Variants in SEMA3A observed in about 807,000 individuals in gnomAD.
SEMA3A encodes the protein semaphorin 3A, also known as semaphorin-3A.
A neutral mutation model predicts 97.9 loss-of-function variants in SEMA3A; 29 were observed. The ratio of observed to expected loss-of-function variants is 0.30; its 90% CI spans 0.22 to 0.40. The LOEUF is 0.40. Ranked by LOEUF, SEMA3A falls within the 10% of genes least tolerant of loss-of-function variation. SEMA3A has a pLI of 1.00. For missense variants in SEMA3A, 763 were observed against 951.3 expected, an observed-to-expected ratio of 0.80 and a Z score of 2.60; for synonymous variants, 321 against 323.7, an observed-to-expected ratio of 0.99 and a Z score of 0.09.
chr7:84,208,377 G>A (rs930459706), intron 3 of SEMA3A, among the ~76,000 whole-genome samples: 23 of 151,204 alleles, frequency 1.5e-4, no homozygotes, highest in South Asian at 2.1e-4. Flanking sequence ...GCGTGAACCC[G>A]GGAGGCGGAG....
intron 1 of SEMA3A, among the ~76,000 whole-genome samples, chr7:84,405,367 C>T (rs1804049887): frequency 6.6e-6 from 1 of 152,172 alleles, no homozygotes; most frequent in African/African-American, 2.4e-5. Flanking sequence ...TATATGCACC[C>T]AATACATTAA....
At chr7:84,046,501 C>T (rs919372544) in intron 5 of SEMA3A, 58 bp from the exon 6 acceptor site, 9 of 1,592,682 alleles carry the variant, frequency 5.7e-6, no homozygotes, top group Non-Finnish European at 7.7e-6. Context: ...AAAAACAAAA[C>T]AAAACAAAAC....
At chr7:84,463,367 G>A (rs1351350341) in intron 1 of SEMA3A, among the ~76,000 whole-genome samples, 1 of 146,816 alleles carries the variant, frequency 6.8e-6, no homozygotes, top group Non-Finnish European at 1.5e-5. Flanking sequence ...TCCTGCCTCA[G>A]CCTCCCGAGT....
intron 3 of SEMA3A, among the ~76,000 whole-genome samples, chr7:84,203,224 T>G (rs1798397129): frequency 6.6e-6 from 1 of 152,006 alleles, no homozygotes. Context: ...GAGCTCCTTC[T>G]TCCTATGTTT....
At chr7:84,436,838 A>T (rs930846918) in intron 1 of SEMA3A, among the ~76,000 whole-genome samples, 13 of 152,148 alleles carry the variant, frequency 8.5e-5, no homozygotes, top group Non-Finnish European at 1.3e-4. Flanking sequence ...TTTAAGCCAC[A>T]GTTTCCTTCA....
chr7:84,342,254 C>T (rs473408), intron 2 of SEMA3A, among the ~76,000 whole-genome samples: 10,787 of 152,044 alleles, frequency 0.071, 950 homozygotes, highest in African/African-American at 0.2. Context: ...AGGTTGGTCT[C>T]GAACTCCCGA....
At chr7:83,972,902 T>A (rs12216639) in intron 15 of SEMA3A, among the ~76,000 whole-genome samples, 2 of 151,876 alleles carry the variant, frequency 1.3e-5, no homozygotes, top group African/African-American at 4.8e-5. Flanking sequence ...AGTGTCATGA[T>A]GACTATCTCC....
intron 3 of SEMA3A, among the ~76,000 whole-genome samples, chr7:84,260,043 T>G (rs746076272): frequency 5.3e-5 from 8 of 152,126 alleles, no homozygotes; most frequent in African/African-American, 7.2e-5. Context: ...CTTTGTTGCA[T>G]CTACAACAAA....
chr7:84,185,500 C>T (rs1276341197), intron 1 of SEMA3A, among the ~76,000 whole-genome samples: 2 of 150,862 alleles, frequency 1.3e-5, no homozygotes, highest in African/African-American at 4.9e-5. Flanking sequence ...AGTGAAACAC[C>T]ATCTCTACTA....
At chr7:84,213,335 G>A (rs986966993) in intron 3 of SEMA3A, among the ~76,000 whole-genome samples, 1 of 152,000 alleles carries the variant, frequency 6.6e-6, no homozygotes, top group Non-Finnish European at 1.5e-5. Flanking sequence ...GGAATGTAGT[G>A]GAGTGCAATA....
chr7:84,467,383 A>G (rs1806028231), intron 1 of SEMA3A, among the ~76,000 whole-genome samples: 1 of 151,824 alleles, frequency 6.6e-6, no homozygotes, highest in Admixed American at 6.6e-5. Flanking sequence ...TTAGCTGGGT[A>G]TGTTGGTGCA....
At chr7:84,162,991 C>T (rs1205336328) in intron 1 of SEMA3A, among the ~76,000 whole-genome samples, 1 of 152,056 alleles carries the variant, frequency 6.6e-6, no homozygotes, top group Non-Finnish European at 1.5e-5. Flanking sequence ...ATACCAAAGT[C>T]AAGAAAACAC....
At chr7:84,282,901 C>T (rs929625052) in intron 3 of SEMA3A, among the ~76,000 whole-genome samples, 2 of 151,924 alleles carry the variant, frequency 1.3e-5, no homozygotes, top group African/African-American at 4.8e-5. Context: ...GTAATCCAGG[C>T]TACTTGGGAG....
intron 2 of SEMA3A, among the ~76,000 whole-genome samples, chr7:84,358,950 A>G (rs1425626951): frequency 6.6e-6 from 1 of 152,142 alleles, no homozygotes; most frequent in Non-Finnish European, 1.5e-5. Context: ...TTATTGGTGT[A>G]TAAGAATGCT....
rs925163408 is a variant in SEMA3A at position 84,050,871 on chromosome 7, T to G, written c.548-4428A>C. 5.1e-3 allele frequency among the ~76,000 whole-genome samples: 766 copies of G among 151,458 alleles called. 5 individuals are homozygous for G. The highest frequency in any genetic ancestry group is 9.8e-3 in the South Asian group (47 of 4,804). ...AAACGTTTAAGTCTTTAATCCATCTTGAATTGATTTTTGTATAAGGTGTAA... is the reference window on the plus strand; with the variant it reads ...AAACGTTTAAGTCTTTAATCCATCTGGAATTGATTTTTGTATAAGGTGTAA... On this transcript the variant is annotated intron_variant, in intron 5 of 16. Coordinates refer to ENST00000265362, the MANE Select transcript of SEMA3A (RefSeq NM_006080.3).
At chr7:84,139,904 A>C (rs1234485847) in intron 1 of SEMA3A, among the ~76,000 whole-genome samples, 2 of 152,038 alleles carry the variant, frequency 1.3e-5, no homozygotes, top group Admixed American at 1.3e-4. Flanking sequence ...AGTCAATTTT[A>C]ATTTTTATTC....
chr7:84,120,528 A>G (rs931921912), intron 3 of SEMA3A, among the ~76,000 whole-genome samples: 2 of 152,140 alleles, frequency 1.3e-5, no homozygotes, highest in Non-Finnish European at 2.9e-5. Flanking sequence ...TGTACCAGAT[A>G]TTTACCCACA....
In SEMA3A at chr7:84,317,590, G is replaced by A. The variant is rs367859085; in HGVS notation, c.-168-10298C>T. On this transcript the variant is annotated intron_variant, in intron 2 of 3. Coordinates refer to the SEMA3A transcript ENST00000424555. The stretch of plus-strand genomic sequence containing the variant: ...AAAATATTAAAAACAAATATAACAT[G>A]ATTTTATTGATATTATTCTTCATTT... Among the ~76,000 whole-genome samples, 212 of 152,064 alleles carry A rather than the reference G, an allele frequency of 1.4e-3. 6 individuals are homozygous for A. The South Asian group carries it at 0.044, about 31-fold the overall frequency.
chr7:84,265,984 G>C (rs2115681100), intron 3 of SEMA3A, among the ~76,000 whole-genome samples: 1 of 152,154 alleles, frequency 6.6e-6, no homozygotes, highest in African/African-American at 2.4e-5. Flanking sequence ...TAATAAATGA[G>C]ATTCCACGGA....
Sources: gnomAD v4.1 joint callset for allele counts (sites outside exome capture counted in the v4.1 genomes callset) on GRCh38, gnomAD v4.1.1 for gene constraint, MANE v1.5 for transcripts, NCBI Gene and HGNC (gene_info 2026-07-23, HGNC 2026-07-21) for gene names.